The following AKAP8 variants were observed in gnomAD, a reference collection of about 807,000 sequenced individuals.
The protein encoded by AKAP8 is A-kinase anchoring protein 8, also known as A-kinase anchor protein 8.
In AKAP8, 24 loss-of-function variants were observed where a neutral mutation model predicts 67.5. That is an observed-to-expected ratio of 0.36 (90% CI 0.26 to 0.50). AKAP8 has a LOEUF of 0.50. Among genes scored for constraint, AKAP8 ranks in the 20% least tolerant of loss-of-function variants. The pLI, the probability that AKAP8 is intolerant of heterozygous loss-of-function variation, is 0.97. For synonymous variants in AKAP8, 400 were observed against 371.1 expected (o/e 1.08, Z -0.90); for missense variants, 971 against 955.9 (o/e 1.02, Z -0.21).
At chr19:15,372,372 G>T (rs1381622068) in intron 5 of AKAP8, 25 bp from the exon 6 acceptor site, 1 of 1,611,940 alleles carries the variant, frequency 6.2e-7, no homozygotes, top group Admixed American at 1.7e-5. Context: ...CACACCCCAT[G>T]AGCTACTTAC....
At chr19:15,363,798 T>C (rs1178087148) in intron 9 of AKAP8, among the ~76,000 whole-genome samples, 1 of 152,056 alleles carries the variant, frequency 6.6e-6, no homozygotes, top group Admixed American at 6.6e-5. Context: ...AGACTTTTCA[T>C]TTTGTTCTAT....
intron 4 of AKAP8, 136 bp downstream of exon 4, chr19:15,373,650 C>G (rs190062269): frequency 8.2e-5 from 94 of 1,152,608 alleles, no homozygotes; most frequent in Admixed American, 6.0e-4. Context: ...ACTGACCCCC[C>G]ACGAGCCCAA....
intron 1 of AKAP8, 27 bp downstream of exon 1, chr19:15,379,686 G>A (rs1327328821): frequency 2.5e-6 from 4 of 1,605,548 alleles, no homozygotes; most frequent in African/African-American, 1.3e-5. Flanking sequence ...TTCCCTCCCC[G>A]CTCCGCACCC....
Position 15,353,938 on chromosome 19 carries a change from A to C in AKAP8, c.*977T>G, listed in dbSNP as rs578085706. 1 of 151,862 alleles carries C rather than the reference A, an allele frequency of 6.6e-6. No homozygotes were observed. Among genetic ancestry groups the C allele is most frequent in the African/African-American group, 2.4e-5 (1 of 41,488 alleles). 9.4% of individuals were successfully genotyped at this position (151,862 alleles called of 1,614,324 possible). A position where few individuals can be genotyped will look rare whatever the true frequency, so the allele number is the denominator to read the frequency against. ...AACATATATTTCATTTTATATATAT[A>C]TATATATATTACAGATACCTTCTAT... On this transcript the variant is annotated 3_prime_UTR_variant, in exon 14 of 14. Coordinates refer to ENST00000269701, the MANE Select transcript of AKAP8 (RefSeq NM_005858.4).
In AKAP8 at chr19:15,355,304, C is replaced by T. The variant is rs1243576266; in HGVS notation, c.1690G>A (p.Glu564Lys). 6.2e-7 allele frequency: 1 copy of T among 1,613,720 alleles called. No homozygotes were observed. Among genetic ancestry groups the T allele is most frequent in the Admixed American group, 1.7e-5 (1 of 59,980 alleles). ...TCCTCAGGTGTCTCTTTCTTATCCT[C>T]ACCTCCTAAATTGTCATCTCCTTCC... ...EMEGDDNLGG[E>K]DKKETPEEVA... The change falls in exon 14 of 14, where the codon GAG becomes AAG. Residue 564 changes from glutamate (E) to lysine (K), a missense_variant. Transcript: ENST00000269701.
chr19:15,359,613 G>A (rs1021854267), intron 12 of AKAP8, among the ~76,000 whole-genome samples: 2 of 152,122 alleles, frequency 1.3e-5, no homozygotes, highest in African/African-American at 4.8e-5. Context: ...CTACTCAGGA[G>A]ACTGAGGCAT....
In AKAP8 at chr19:15,369,015, AG is replaced by A; in HGVS notation, c.1073-694del. On this transcript the variant is annotated intron_variant, in intron 8 of 13. Coordinates refer to ENST00000269701, the MANE Select transcript of AKAP8 (RefSeq NM_005858.4). The surrounding 1 kb of genome is among the most constrained non-coding windows in gnomAD (Gnocchi z 4.6). ...GCGGCCATCATCCCAGCATGAGGCCAGGGACGGACGCTGAAAAAAGGTTGGA... is the reference window on the plus strand; with the variant it reads ...GCGGCCATCATCCCAGCATGAGGCCAGGACGGACGCTGAAAAAAGGTTGGA... 1.0e-6 allele frequency: 1 copy of A among 985,926 alleles called. No individual in the cohort carries two copies. The highest frequency in any genetic ancestry group is 1.2e-6 in the Non-Finnish European group (1 of 830,328). The allele number at this position is 985,926 out of a possible 1,614,324, so 61.1% of individuals were successfully genotyped here. A position where few individuals can be genotyped will look rare whatever the true frequency, so the allele number is the denominator to read the frequency against.
chr19:15,363,220 G>C (rs981967069), intron 9 of AKAP8, among the ~76,000 whole-genome samples: 5 of 151,344 alleles, frequency 3.3e-5, no homozygotes, highest in Admixed American at 2.0e-4. Context: ...TTGTCCGGGA[G>C]GGAGGTGGGG....
At chr19:15,372,069 T>C (rs1260596793) in intron 6 of AKAP8, 71 bp from the exon 7 acceptor site, 1 of 1,610,890 alleles carries the variant, frequency 6.2e-7, no homozygotes, top group Non-Finnish European at 8.5e-7. Context: ...CCTCCCAAGC[T>C]CGCCATCCAG....
intron 13 of AKAP8, among the ~76,000 whole-genome samples, chr19:15,356,415 A>AAACAT (rs1555752863): frequency 6.7e-6 from 1 of 148,786 alleles, no homozygotes; most frequent in Non-Finnish European, 1.5e-5. Context: ...TCCATCTCAA[A>AAACAT]AAAATAAAAT....
intron 7 of AKAP8, among the ~76,000 whole-genome samples, chr19:15,371,520 CCTCT>C (rs1361126728): frequency 6.6e-6 from 1 of 151,388 alleles, no homozygotes; most frequent in African/African-American, 2.4e-5. Flanking sequence ...ACGGAGTCTC[CCTCT>C]GTCGCCCAGG....
chr19:15,368,190 G>A (rs375888490), intron 9 of AKAP8, 45 bp downstream of exon 9: 59 of 1,604,218 alleles, frequency 3.7e-5, no homozygotes, highest in Middle Eastern at 1.7e-4. Flanking sequence ...CGCCTCCACC[G>A]CACGAGTCCA....
At chr19:15,374,580 A>ACC (rs201765899) in intron 3 of AKAP8, 23 bp downstream of exon 3, 5 of 1,552,446 alleles carry the variant, frequency 3.2e-6, no homozygotes, top group African/African-American at 1.4e-5. Context: ...CCGCCCACAG[A>ACC]CCCCCCCCAC....
intron 8 of AKAP8, chr19:15,368,687 A>G (rs1967107667): frequency 2.0e-6 from 2 of 985,282 alleles, no homozygotes; most frequent in Non-Finnish European, 2.4e-6. Flanking sequence ...GGAGAAGCCA[A>G]TTCTCCCCGG....
intron 13 of AKAP8, among the ~76,000 whole-genome samples, chr19:15,356,884 A>C (rs1966891646): frequency 6.6e-6 from 1 of 152,012 alleles, no homozygotes; most frequent in African/African-American, 2.4e-5. Context: ...TAATTCCAAC[A>C]CTTTGGGAGG....
intron 1 of AKAP8, 50 bp downstream of exon 1, chr19:15,379,663 C>T (rs1967338565): frequency 1.9e-6 from 3 of 1,583,744 alleles, no homozygotes; most frequent in South Asian, 1.1e-5. Context: ...GGCTGCGTCG[C>T]CCGCACAGAG....
At position 15,360,166 on chromosome 19, in the gene AKAP8, AAAAACC is replaced by A. The variant is rs895755927; in HGVS notation, c.1527+676_1527+681del. 5.9e-4 allele frequency among the ~76,000 whole-genome samples: 90 copies of A among 152,116 alleles called. 1 individual carries two copies. The highest frequency in any genetic ancestry group is 1.8e-3 in the African/African-American group (75 of 41,500). ...AACAAAAAAACAAAAACGTAAACCA[AAAAACC>A]AAAACCAAAACCAAAACCAAAACAC... On this transcript the variant is annotated intron_variant, in intron 12 of 13. Coordinates refer to ENST00000269701, the MANE Select transcript of AKAP8 (RefSeq NM_005858.4).
At chr19:15,361,035 A>G (rs1568423931) in intron 11 of AKAP8, 57 bp from the exon 12 acceptor site, 3 of 1,583,276 alleles carry the variant, frequency 1.9e-6, no homozygotes, top group South Asian at 1.1e-5. Context: ...CTTTCCTCCT[A>G]CTCCCCATCT....
chr19:15,360,563 G>A (rs909925881), intron 12 of AKAP8, among the ~76,000 whole-genome samples: 1 of 152,172 alleles, frequency 6.6e-6, no homozygotes, highest in African/African-American at 2.4e-5. Context: ...TGGCCCTTCG[G>A]TCTCAGCTTA....
Sources: allele counts gnomAD v4.1 joint callset (sites outside exome capture counted in the v4.1 genomes callset), GRCh38; gene constraint gnomAD v4.1.1; non-coding constraint Gnocchi (gnomAD v3.1); transcripts MANE v1.5; gene names NCBI Gene and HGNC (gene_info 2026-07-23, HGNC 2026-07-21).